The following FTCDNL1 variants were observed in gnomAD, a reference collection of about 807,000 sequenced individuals.
FTCDNL1 encodes the protein formiminotransferase N-terminal subdomain-containing protein.
Under a neutral mutation model 5.9 loss-of-function variants are expected in FTCDNL1, and 11 were observed. That is an observed-to-expected ratio of 1.87 (90% CI 1.18 to 3.10). The LOEUF (loss-of-function observed/expected upper bound fraction) is 3.10, where lower values mean the gene tolerates loss of function less well. FTCDNL1 is among the 30% of genes most tolerant of loss of function. FTCDNL1 has a pLI of 0.00. For synonymous variants in FTCDNL1, 58 were observed against 24.8 expected, an observed-to-expected ratio of 2.34 and a Z score of -3.99; for missense variants, 115 against 65.5, an observed-to-expected ratio of 1.76 and a Z score of -2.61.
chr2:199,769,712 G>T (rs1207328171), intron 3 of FTCDNL1, among the ~76,000 whole-genome samples: 1 of 152,088 alleles, frequency 6.6e-6, no homozygotes, highest in East Asian at 1.9e-4. Flanking sequence ...GTCTGGTTGT[G>T]GTCCCCACGC....
chr2:199,824,832 G>A (rs2689763), intron 3 of FTCDNL1, among the ~76,000 whole-genome samples: 97,430 of 152,024 alleles, frequency 0.64, 31,440 homozygotes, highest in South Asian at 0.76. Flanking sequence ...ACTGATCGCA[G>A]ATCACCATAA....
chr2:199,769,610 A>AT (rs367824790), intron 3 of FTCDNL1, among the ~76,000 whole-genome samples: 7 of 152,246 alleles, frequency 4.6e-5, no homozygotes, highest in East Asian at 1.9e-4. Flanking sequence ...ATATTTGGGC[A>AT]TTTTTTTCCC....
the FTCDNL1 span, among the ~76,000 whole-genome samples, chr2:199,667,770 T>A: frequency 6.6e-6 from 1 of 152,226 alleles, no homozygotes; most frequent in Non-Finnish European, 1.5e-5. Context: ...CTAAATTTGT[T>A]CTGTCATGAA....
At chr2:199,785,291 A>C (rs547735581) in intron 3 of FTCDNL1, among the ~76,000 whole-genome samples, 1 of 106,976 alleles carries the variant, frequency 9.3e-6, no homozygotes, top group African/African-American at 4.0e-5. Flanking sequence ...TCTGTCGACC[A>C]GGCCAGAGTG....
intron 3 of FTCDNL1, among the ~76,000 whole-genome samples, chr2:199,844,066 C>A (rs1423650330): frequency 1.3e-5 from 2 of 152,232 alleles, no homozygotes; most frequent in African/African-American, 4.8e-5. Flanking sequence ...CAAAACACAC[C>A]ATCATTCTGC....
the FTCDNL1 span, among the ~76,000 whole-genome samples, chr2:199,703,889 T>C: frequency 2.6e-5 from 4 of 152,206 alleles, no homozygotes; most frequent in African/African-American, 9.6e-5. Flanking sequence ...GCTAAAATGA[T>C]AGAATTACCC....
chr2:199,715,081 C>T, the FTCDNL1 span, among the ~76,000 whole-genome samples: 1 of 151,916 alleles, frequency 6.6e-6, no homozygotes, highest in African/African-American at 2.4e-5. Context: ...TACCCTAAAA[C>T]TTAAAGTATA....
At chr2:199,817,076 A>T (rs1284886027) in intron 4 of FTCDNL1, among the ~76,000 whole-genome samples, 1 of 152,218 alleles carries the variant, frequency 6.6e-6, no homozygotes, top group Non-Finnish European at 1.5e-5. Flanking sequence ...CTAAAACATC[A>T]TGCTTGAGTA....
chr2:199,752,855 T>TGA, the FTCDNL1 span, among the ~76,000 whole-genome samples: 21 of 107,436 alleles, frequency 2.0e-4, no homozygotes, highest in South Asian at 9.5e-4. Flanking sequence ...AGACAGACAA[T>TGA]GAGAGAGAGA....
chr2:199,848,110 GA>G (rs1559254670), intron 2 of FTCDNL1, among the ~76,000 whole-genome samples: 3 of 152,216 alleles, frequency 2.0e-5, no homozygotes, highest in Non-Finnish European at 4.4e-5. Context: ...CTATTTAAAT[GA>G]TTGTATACAC....
the FTCDNL1 span, among the ~76,000 whole-genome samples, chr2:199,726,451 T>C: frequency 6.6e-6 from 1 of 152,170 alleles, no homozygotes; most frequent in Non-Finnish European, 1.5e-5. Context: ...TTGCAATCAT[T>C]TGGAGGAGAA....
chr2:199,720,427 A>G, the FTCDNL1 span, among the ~76,000 whole-genome samples: 1 of 152,310 alleles, frequency 6.6e-6, no homozygotes, highest in East Asian at 1.9e-4. Context: ...AAATTACCAC[A>G]AAGTAGGCAG....
At chr2:199,701,974 G>T in the FTCDNL1 span, among the ~76,000 whole-genome samples, 1 of 152,158 alleles carries the variant, frequency 6.6e-6, no homozygotes, top group Non-Finnish European at 1.5e-5. Context: ...GGTGGAGGTT[G>T]CAATGATCTG....
intron 3 of FTCDNL1, among the ~76,000 whole-genome samples, chr2:199,770,159 C>T (rs1230477926): frequency 4.6e-5 from 7 of 152,174 alleles, no homozygotes; most frequent in Admixed American, 3.9e-4. Context: ...CTGCTTGATC[C>T]TGTGTTGGCT....
chr2:199,708,223 G>T, the FTCDNL1 span, among the ~76,000 whole-genome samples: 2 of 151,890 alleles, frequency 1.3e-5, no homozygotes, highest in Non-Finnish European at 2.9e-5. Flanking sequence ...GCCATCCAGA[G>T]AATTTTTCAT....
chr2:199,816,462 T>G (rs1017366958), intron 4 of FTCDNL1, among the ~76,000 whole-genome samples: 2 of 152,192 alleles, frequency 1.3e-5, no homozygotes, highest in Non-Finnish European at 2.9e-5. Context: ...TAATTACCCT[T>G]CAGGGAAGAT....
chr2:199,726,862 T>C, the FTCDNL1 span, among the ~76,000 whole-genome samples: 1 of 152,146 alleles, frequency 6.6e-6, no homozygotes, highest in Non-Finnish European at 1.5e-5. Context: ...ACAACCTCTA[T>C]TGGGAGGTCT....
At chr2:199,818,124 G>A (rs1011408014) in intron 4 of FTCDNL1, among the ~76,000 whole-genome samples, 15 of 152,056 alleles carry the variant, frequency 9.9e-5, no homozygotes, top group Admixed American at 2.0e-4. Flanking sequence ...TCTAATTCCC[G>A]TCCACCTGAC....
the FTCDNL1 span, among the ~76,000 whole-genome samples, chr2:199,689,042 T>C: frequency 6.6e-6 from 1 of 152,210 alleles, no homozygotes; most frequent in Non-Finnish European, 1.5e-5. Context: ...GCATTATTTA[T>C]AATACCAAAA....
Sources: allele counts gnomAD v4.1 joint callset (sites outside exome capture counted in the v4.1 genomes callset), GRCh38; gene constraint gnomAD v4.1.1; transcripts MANE v1.5; gene names NCBI Gene and HGNC (gene_info 2026-07-23, HGNC 2026-07-21).